The following ATXN7L1 variants were observed in gnomAD, a reference collection of about 807,000 sequenced individuals.
ATXN7L1 encodes ataxin-7-like protein 1.
ATXN7L1 carries 15 observed loss-of-function variants against 70.8 expected under a neutral mutation model. The observed-to-expected ratio is 0.21, with a 90% CI of 0.14 to 0.33. The LOEUF (loss-of-function observed/expected upper bound fraction) is 0.33. Among genes scored for constraint, ATXN7L1 ranks in the 10% least tolerant of loss-of-function variants. The pLI is 1.00. For missense variants in ATXN7L1, 975 were observed against 1,097.1 expected, an observed-to-expected ratio of 0.89 and a Z score of 1.57; for synonymous variants, 440 against 445.1, an observed-to-expected ratio of 0.99 and a Z score of 0.14.
intron 4 of ATXN7L1, among the ~76,000 whole-genome samples, chr7:105,658,523 C>CTTTT (rs36163594): frequency 3.7e-5 from 4 of 107,390 alleles, no homozygotes; most frequent in Admixed American, 1.1e-4. Flanking sequence ...TGGCACATAA[C>CTTTT]TTTTTTTTTT....
chr7:105,611,151 C>T (rs191901064), intron 10 of ATXN7L1, among the ~76,000 whole-genome samples: 3 of 152,344 alleles, frequency 2.0e-5, no homozygotes, highest in Admixed American at 6.5e-5. Flanking sequence ...GCTTCTCCTT[C>T]ATGTGGATGG....
intron 2 of ATXN7L1, among the ~76,000 whole-genome samples, chr7:105,832,800 G>C (rs1811814673): frequency 6.6e-6 from 1 of 152,190 alleles, no homozygotes; most frequent in South Asian, 2.1e-4. Flanking sequence ...CATTCACCCA[G>C]TTGCTTAGAC....
At position 105,610,571 on chromosome 7, in the gene ATXN7L1, T is replaced by C. The variant is rs1382751385; in HGVS notation, c.2505A>G (p.Gln835=). Residue 835 remains glutamine (Q), a synonymous_variant, in exon 11 of 12, where the codon CAA becomes CAG. Coordinates refer to ENST00000419735, the MANE Select transcript of ATXN7L1 (RefSeq NM_020725.2). ...GGCTGGATATACTTGAAGGACTGGA[T>C]TGTGACAAAGCTAGGCTGCTATTTT... ...VGKNSSLALS[Q]SSPSSISSPG... is the part of the protein sequence containing the mutation. The C allele has an allele frequency of 6.4e-7, 1 of 1,550,920 alleles. No homozygotes were observed.
At chr7:105,849,410 C>A (rs1299360689) in intron 2 of ATXN7L1, among the ~76,000 whole-genome samples, 1 of 152,178 alleles carries the variant, frequency 6.6e-6, no homozygotes, top group Non-Finnish European at 1.5e-5. Context: ...GAGGGTCAAG[C>A]CTGGTTTTCT....
chr7:105,710,391 G>A lies in ATXN7L1; in HGVS notation c.356-45103C>T, dbSNP rs902992541. 2.0e-5 allele frequency among the ~76,000 whole-genome samples: 3 copies of A among 148,554 alleles called. No homozygotes were observed. The East Asian group carries it at 6.0e-4, about 30-fold the overall frequency. ...GGAGAGAGAAACAGTGAAGAGGGAG[G>A]TGCCATGCACTTTTTTTTTTTTTTT... On this transcript the variant is annotated intron_variant, in intron 3 of 11. Transcript: ENST00000419735.
intron 2 of ATXN7L1, among the ~76,000 whole-genome samples, chr7:105,855,196 G>A (rs1047335580): frequency 4.6e-5 from 7 of 152,116 alleles, no homozygotes; most frequent in East Asian, 3.9e-4. Context: ...CTCGTGATCC[G>A]TCCGCCTCGG....
intron 3 of ATXN7L1, among the ~76,000 whole-genome samples, chr7:105,781,384 A>C (rs1475394117): frequency 6.6e-6 from 1 of 152,208 alleles, no homozygotes; most frequent in Non-Finnish European, 1.5e-5. Flanking sequence ...GACTGAAAAT[A>C]CACAATTACT....
intron 3 of ATXN7L1, among the ~76,000 whole-genome samples, chr7:105,737,529 G>A (rs1000556137): frequency 4.6e-4 from 6 of 12,998 alleles, no homozygotes; most frequent in African/African-American, 3.6e-3. Context: ...TAACGTCCCC[G>A]TGTGTGTGTG....
intron 4 of ATXN7L1, among the ~76,000 whole-genome samples, chr7:105,659,288 T>A (rs1029940388): frequency 2.0e-5 from 3 of 152,218 alleles, no homozygotes; most frequent in African/African-American, 7.2e-5. Context: ...TCTCCAGGAA[T>A]GGAAATCTCA....
chr7:105,691,074 G>T (rs190967771), intron 3 of ATXN7L1, among the ~76,000 whole-genome samples: 1 of 152,316 alleles, frequency 6.6e-6, no homozygotes, highest in East Asian at 1.9e-4. Context: ...CCCTGTGTCT[G>T]TTCTTCCTCC....
intron 2 of ATXN7L1, among the ~76,000 whole-genome samples, chr7:105,789,160 G>A (rs1234938625): frequency 3.3e-5 from 5 of 152,224 alleles, no homozygotes; most frequent in African/African-American, 4.8e-5. Context: ...ATTTGGCCTC[G>A]GCAGTGCCTG....
intron 3 of ATXN7L1, among the ~76,000 whole-genome samples, chr7:105,764,594 C>T (rs1046320440): frequency 3.9e-5 from 6 of 152,104 alleles, no homozygotes; most frequent in African/African-American, 1.4e-4. Flanking sequence ...GACTGAATAC[C>T]CACTATTTGT....
chr7:105,631,498 G>A (rs891409523), intron 7 of ATXN7L1, among the ~76,000 whole-genome samples: 6 of 152,180 alleles, frequency 3.9e-5, no homozygotes, highest in South Asian at 2.1e-4. Context: ...CTGGAGTCTC[G>A]CTTTGTTGCC....
At chr7:105,691,385 C>T (rs960919073) in intron 3 of ATXN7L1, among the ~76,000 whole-genome samples, 1 of 152,146 alleles carries the variant, frequency 6.6e-6, no homozygotes, top group Non-Finnish European at 1.5e-5. Flanking sequence ...TAACCCTCTG[C>T]TGCACATACA....
chr7:105,852,846 A>G lies in ATXN7L1; in HGVS notation c.250+22966T>C, dbSNP rs532836685. 8.0e-4 allele frequency among the ~76,000 whole-genome samples: 122 copies of G among 152,266 alleles called. 1 individual carries two copies. Among genetic ancestry groups the G allele is most frequent in the Non-Finnish European group, 1.5e-3 (102 of 68,022 alleles). ...TGGATAAATAAAATGTCAAATATAC[A>G]TACGATGAGATATTATTTAACCTTT... is the stretch of plus-strand genomic sequence containing the variant. On this transcript the variant is annotated intron_variant, in intron 2 of 11. Transcript: ENST00000419735.
At chr7:105,827,756 C>T (rs1241138607) in intron 2 of ATXN7L1, among the ~76,000 whole-genome samples, 3 of 152,142 alleles carry the variant, frequency 2.0e-5, no homozygotes, top group Non-Finnish European at 4.4e-5. Flanking sequence ...GATCCACAAT[C>T]CCTTATCCAA....
chr7:105,685,624 CTT>C (rs1806092430), intron 3 of ATXN7L1, among the ~76,000 whole-genome samples: 1 of 152,212 alleles, frequency 6.6e-6, no homozygotes. Context: ...TGGGAACACA[CTT>C]TCTCTCCATG....
intron 6 of ATXN7L1, 111 bp downstream of exon 6, chr7:105,639,376 T>A: frequency 1.3e-6 from 1 of 771,992 alleles, no homozygotes. Flanking sequence ...AAAGAACAGC[T>A]GGGGGTCATG....
At chr7:105,812,216 A>G (rs758108496) in intron 2 of ATXN7L1, among the ~76,000 whole-genome samples, 3 of 152,196 alleles carry the variant, frequency 2.0e-5, no homozygotes, top group Non-Finnish European at 2.9e-5. Context: ...TGCAATAAGC[A>G]TTTGTTGAAA....
Sources: gnomAD v4.1 joint callset for allele counts (sites outside exome capture counted in the v4.1 genomes callset) on GRCh38, gnomAD v4.1.1 for gene constraint, MANE v1.5 for transcripts, NCBI Gene and HGNC (gene_info 2026-07-23, HGNC 2026-07-21) for gene names.